The following IGF2BP3 variants were observed in gnomAD, a reference collection of about 807,000 sequenced individuals.
The protein encoded by IGF2BP3 is insulin like growth factor 2 mRNA binding protein 3, also known as insulin-like growth factor 2 mRNA-binding protein 3.
In IGF2BP3, 9 loss-of-function variants were observed where a neutral mutation model predicts 73.8. The ratio of observed to expected loss-of-function variants is 0.12; its 90% CI spans 0.07 to 0.21. The LOEUF (loss-of-function observed/expected upper bound fraction) is 0.21, where lower values mean the gene tolerates loss of function less well. Among genes scored for constraint, IGF2BP3 ranks in the 10% least tolerant of loss-of-function variants. The pLI is 1.00. For synonymous variants in IGF2BP3, 258 were observed against 256.7 expected (o/e 1.01, Z -0.05); for missense variants, 542 against 714.0 (o/e 0.76, Z 2.75).
intron 6 of IGF2BP3, among the ~76,000 whole-genome samples, chr7:23,350,447 C>G (rs373101207): frequency 6.6e-6 from 1 of 152,164 alleles, no homozygotes; most frequent in Non-Finnish European, 1.5e-5. Flanking sequence ...GGATGTGCCT[C>G]GTAGCACGTT....
At chr7:23,318,488 G>T (rs906083497) in intron 11 of IGF2BP3, among the ~76,000 whole-genome samples, 1 of 152,026 alleles carries the variant, frequency 6.6e-6, no homozygotes, top group Non-Finnish European at 1.5e-5. Flanking sequence ...GCCTCCCAAA[G>T]TGCTGGGATT....
At chr7:23,380,826 T>C (rs980338004) in intron 3 of IGF2BP3, among the ~76,000 whole-genome samples, 3 of 152,194 alleles carry the variant, frequency 2.0e-5, no homozygotes, top group South Asian at 2.1e-4. Flanking sequence ...ACAGCAAAGA[T>C]TGGGCACAGC....
intron 2 of IGF2BP3, among the ~76,000 whole-genome samples, chr7:23,460,165 C>T (rs142038438): frequency 3.2e-5 from 4 of 125,152 alleles, no homozygotes; most frequent in Admixed American, 8.2e-5. Flanking sequence ...GGCAACCGTG[C>T]GAGACCCTGC....
rs539936296 is a variant in IGF2BP3 at position 23,419,751 on chromosome 7, G to T, written c.237-927C>A. Among the ~76,000 whole-genome samples, 5 of 152,304 alleles carry T rather than the reference G, an allele frequency of 3.3e-5. No homozygotes were observed. The East Asian group carries it at 9.7e-4, about 29-fold the overall frequency. ...GCCTGTAGTCCCAGCTACTCCAGAT[G>T]CTGAGGCAGAAGAATCACTTGAACC... On this transcript the variant is annotated intron_variant, in intron 2 of 14. Transcript: ENST00000258729.
At chr7:23,341,790 T>G (rs1260377153) in intron 10 of IGF2BP3, among the ~76,000 whole-genome samples, 1 of 151,886 alleles carries the variant, frequency 6.6e-6, no homozygotes, top group African/African-American at 2.4e-5. Context: ...GAAAAAAAAT[T>G]TTTTTAAATA....
intron 2 of IGF2BP3, among the ~76,000 whole-genome samples, chr7:23,456,486 CG>C (rs1788320409): frequency 6.6e-6 from 1 of 152,174 alleles, no homozygotes; most frequent in African/African-American, 2.4e-5. Context: ...GTGCTAAGTA[CG>C]GGAGAGCATG....
intron 3 of IGF2BP3, among the ~76,000 whole-genome samples, chr7:23,362,051 A>T (rs1785242851): frequency 6.6e-6 from 1 of 152,216 alleles, no homozygotes; most frequent in Non-Finnish European, 1.5e-5. Context: ...TATTTCTCAT[A>T]CATACACAAA....
intron 9 of IGF2BP3, among the ~76,000 whole-genome samples, chr7:23,343,359 A>G (rs1325149916): frequency 6.6e-6 from 1 of 152,222 alleles, no homozygotes; most frequent in Non-Finnish European, 1.5e-5. Context: ...CAGCTCATAA[A>G]TGGTTCAGCT....
At chr7:23,341,920 T>C in intron 10 of IGF2BP3, 144 bp downstream of exon 10, 3 of 824,400 alleles carry the variant, frequency 3.6e-6, no homozygotes, top group East Asian at 3.4e-5. Context: ...ATCCCATGTC[T>C]ACTCCACAAA....
chr7:23,359,702 A>AG (rs920841548), intron 5 of IGF2BP3, among the ~76,000 whole-genome samples: 1 of 152,106 alleles, frequency 6.6e-6, no homozygotes, highest in Non-Finnish European at 1.5e-5. Flanking sequence ...TACAAAAAAA[A>AG]AGACTGCCAG....
intron 5 of IGF2BP3, among the ~76,000 whole-genome samples, chr7:23,354,530 T>C (rs908025662): frequency 2.0e-5 from 3 of 152,176 alleles, no homozygotes; most frequent in Admixed American, 6.5e-5. Flanking sequence ...GATAGACACA[T>C]ACAGATATCA....
intron 3 of IGF2BP3, among the ~76,000 whole-genome samples, chr7:23,393,734 G>T (rs1022492162): frequency 2.3e-4 from 35 of 152,278 alleles, no homozygotes; most frequent in African/African-American, 8.4e-4. Flanking sequence ...GCCCAAGGGG[G>T]GCAATCATGT....
chr7:23,314,999 C>T (rs1292321091), intron 12 of IGF2BP3, among the ~76,000 whole-genome samples: 1 of 152,150 alleles, frequency 6.6e-6, no homozygotes. Flanking sequence ...GACGGGGATT[C>T]ACCATGTTGG....
chr7:23,387,119 T>C (rs1786109383), intron 3 of IGF2BP3, among the ~76,000 whole-genome samples: 1 of 151,866 alleles, frequency 6.6e-6, no homozygotes, highest in Non-Finnish European at 1.5e-5. Flanking sequence ...GTAGGTAGGT[T>C]GGTTGGTTAA....
In IGF2BP3 at chr7:23,351,447, T is replaced by A. The variant is rs1428999753; in HGVS notation, c.541A>T (p.Arg181Trp). 1 of 1,613,732 alleles carries A rather than the reference T, an allele frequency of 6.2e-7. No individual in the cohort carries two copies. Among genetic ancestry groups the A allele is most frequent in the South Asian group, 1.1e-5 (1 of 91,028 alleles). ...GATACGGATCCTGGAGACCCCTGCC[T>A]TGAGGAGCCCCTCTGCCCAAGCCCC... ...RRGLGQRGSS[R>W]QGSPGSVSKQ... is the part of the protein sequence containing the mutation. The change falls in exon 6 of 15, where the codon AGG becomes TGG. Residue 181 changes from arginine (R) to tryptophan (W), a missense_variant. Transcript: ENST00000258729.
chr7:23,337,332 T>C (rs1784599646), intron 10 of IGF2BP3, among the ~76,000 whole-genome samples: 1 of 152,236 alleles, frequency 6.6e-6, no homozygotes, highest in East Asian at 1.9e-4. Context: ...TCTCTTTATT[T>C]AGATGAAAAT....
chr7:23,411,982 C>T (rs1055914329), intron 3 of IGF2BP3, among the ~76,000 whole-genome samples: 11 of 137,506 alleles, frequency 8.0e-5, no homozygotes, highest in African/African-American at 3.2e-4. Flanking sequence ...CCACTTATTT[C>T]TCTTTTTTTT....
chr7:23,387,839 T>C (rs1306984338), intron 3 of IGF2BP3, among the ~76,000 whole-genome samples: 2 of 152,204 alleles, frequency 1.3e-5, no homozygotes, highest in East Asian at 3.8e-4. Flanking sequence ...TGCAGAGCAA[T>C]TTTAGAATGG....
At chr7:23,386,457 C>A (rs534423845) in intron 3 of IGF2BP3, among the ~76,000 whole-genome samples, 6 of 152,298 alleles carry the variant, frequency 3.9e-5, no homozygotes, top group African/African-American at 1.4e-4. Context: ...CACAGAAACA[C>A]ACAATGATGG....
Sources: allele counts gnomAD v4.1 joint callset (sites outside exome capture counted in the v4.1 genomes callset), GRCh38; gene constraint gnomAD v4.1.1; transcripts MANE v1.5; gene names NCBI Gene and HGNC (gene_info 2026-07-23, HGNC 2026-07-21).